The following KIF15 variants were observed in gnomAD, a reference collection of about 807,000 sequenced individuals.
KIF15 encodes the protein kinesin-like protein KIF15.
KIF15 carries 140 observed loss-of-function variants against 190.6 expected under a neutral mutation model. The ratio of observed to expected loss-of-function variants is 0.73; its 90% CI spans 0.64 to 0.84. The LOEUF (loss-of-function observed/expected upper bound fraction) is 0.84. Among genes scored for constraint, KIF15 ranks in the 40% least tolerant of loss-of-function variants. The probability of loss-of-function intolerance (pLI) is 0.00; values close to 1 mark genes in which losing one functional copy is unlikely to be tolerated. For synonymous variants in KIF15, 528 were observed against 551.3 expected (o/e 0.96, Z 0.59); for missense variants, 1,372 against 1,584.4 (o/e 0.87, Z 2.28).
rs779947549 is a variant in KIF15 at position 44,852,312 on chromosome 3, A to G, written c.4077A>G (p.Leu1359=). ...AGAAGATTCAGTACGTAGTGCGACT[A>G]AAGAAGGAAAATGTCAGGCTTGCTG... is the stretch of plus-strand genomic sequence containing the variant. ...LHQKIQYVVR[L]KKENVRLAEE... The change falls in exon 34 of 35, where the codon CTA becomes CTG. Residue 1359 remains leucine, a synonymous_variant. Transcript: ENST00000326047. 8 of 1,611,368 alleles carry G rather than the reference A, an allele frequency of 5.0e-6. No individual in the cohort carries two copies. In the South Asian group the frequency reaches 7.7e-5, roughly 16 times the overall value.
At chr3:44,850,735 C>A (rs1203364268) in intron 32 of KIF15, among the ~76,000 whole-genome samples, 1 of 152,208 alleles carries the variant, frequency 6.6e-6, no homozygotes, top group African/African-American at 2.4e-5. Context: ...CTGAGATCCA[C>A]AGAATGTAGT....
At chr3:44,808,643 A>C (rs1707634008) in intron 16 of KIF15, among the ~76,000 whole-genome samples, 1 of 146,242 alleles carries the variant, frequency 6.8e-6, no homozygotes, top group South Asian at 2.1e-4. Flanking sequence ...GTGTTATTCC[A>C]CAATATGCTT....
chr3:44,828,233 T>C lies in KIF15; in HGVS notation c.2876T>C (p.Leu959Pro), dbSNP rs777442523. The C allele has an allele frequency of 6.2e-7, 1 of 1,613,376 alleles. No homozygotes were observed. Among genetic ancestry groups the C allele is most frequent in the Non-Finnish European group, 8.5e-7 (1 of 1,179,480 alleles). ...CEQQMAKVQKLEESLLATEKV... is the reference protein window; with the variant it reads ...CEQQMAKVQKPEESLLATEKV... ...CCATAGATGGCAAAAGTACAGAAAC[T>C]AGAAGAGAGCTTGCTTGCTACTGAA... Residue 959 changes from leucine to proline, a missense_variant, in exon 24 of 35, where the codon CTA becomes CCA. By Grantham distance (98) the Leu-to-Pro change is moderately conservative. Coordinates refer to ENST00000326047, the MANE Select transcript of KIF15 (RefSeq NM_020242.3).
At chr3:44,861,853 G>A (rs1385896530) in intron 6 of KIF15, 3 of 1,441,930 alleles carry the variant, frequency 2.1e-6, no homozygotes, top group African/African-American at 1.5e-5. Flanking sequence ...CGTCACGTGA[G>A]GCTGCCATCC....
At chr3:44,824,233 A>G (rs181659294) in intron 20 of KIF15, among the ~76,000 whole-genome samples, 44 of 152,358 alleles carry the variant, frequency 2.9e-4, no homozygotes, top group Middle Eastern at 6.8e-3. Flanking sequence ...GTTTTATTAT[A>G]AAAATCTATA....
intron 6 of KIF15, among the ~76,000 whole-genome samples, chr3:44,867,314 G>C (rs1265057112): frequency 6.6e-6 from 1 of 152,142 alleles, no homozygotes; most frequent in African/African-American, 2.4e-5. Context: ...TTGGTCACCA[G>C]CCACCTACCT....
At chr3:44,805,451 C>T (rs1465126576) in intron 15 of KIF15, among the ~76,000 whole-genome samples, 1 of 152,122 alleles carries the variant, frequency 6.6e-6, no homozygotes, top group Non-Finnish European at 1.5e-5. Flanking sequence ...GTTGTTAAGA[C>T]TTTTAGGAAG....
chr3:44,776,021 A>G (rs956340007), intron 3 of KIF15, among the ~76,000 whole-genome samples: 5 of 151,538 alleles, frequency 3.3e-5, no homozygotes, highest in Non-Finnish European at 5.9e-5. Context: ...CGGAGCTTGC[A>G]GTGAGCGGAG....
Position 44,829,776 on chromosome 3 carries a change from TATATATATAATATATGC to T in KIF15, c.2944-187_2944-171del, listed in dbSNP as rs1465479469. On this transcript the variant is annotated intron_variant, in intron 24 of 34. Coordinates refer to ENST00000326047, the MANE Select transcript of KIF15 (RefSeq NM_020242.3). ...TATAGATGTATATATATTATAGATG[TATATATATAATATATGC>T]ATATATAATATATGTATATATATTA... Among the ~76,000 whole-genome samples the T allele has an allele frequency of 1.0e-3, 143 of 140,646 alleles. 1 individual carries two copies. Among genetic ancestry groups the T allele is most frequent in the African/African-American group, 2.5e-3 (94 of 38,134 alleles). The allele number at this position is 140,646 out of a possible 152,430, so 92.3% of individuals were successfully genotyped here.
At chr3:44,783,353 A>G (rs1317371498) in intron 5 of KIF15, among the ~76,000 whole-genome samples, 2 of 152,068 alleles carry the variant, frequency 1.3e-5, no homozygotes, top group African/African-American at 2.4e-5. Context: ...GTGAGAGAGG[A>G]AAGTGAGAGA....
chr3:44,785,416 C>G (rs1422708066), intron 6 of KIF15, among the ~76,000 whole-genome samples: 2 of 152,174 alleles, frequency 1.3e-5, no homozygotes, highest in East Asian at 3.9e-4. Context: ...CTTCCATGAT[C>G]TTTGTGCTCC....
intron 29 of KIF15, among the ~76,000 whole-genome samples, chr3:44,842,203 A>AT (rs1698642622): frequency 6.6e-6 from 1 of 152,010 alleles, no homozygotes; most frequent in African/African-American, 2.4e-5. Flanking sequence ...TATATTAGAG[A>AT]TTTTTTTAGT....
In KIF15 at chr3:44,821,579, A is replaced by C. The variant is rs564446333; in HGVS notation, c.2550-4460A>C. ...CCTAGATGGGATGGCGGCCGGGAAGAGGCGCTCCTCACTTCCTAGATGGGA... is the reference window on the plus strand; with the variant it reads ...CCTAGATGGGATGGCGGCCGGGAAGCGGCGCTCCTCACTTCCTAGATGGGA... On this transcript the variant is annotated intron_variant, in intron 20 of 34. Transcript: ENST00000326047. 3.0e-4 allele frequency among the ~76,000 whole-genome samples: 46 copies of C among 151,692 alleles called. No homozygotes were observed. The East Asian group carries it at 9.0e-3, about 30-fold the overall frequency.
rs141324712 is a variant in KIF15 at position 44,837,614 on chromosome 3, GTA to G, written c.3172-648_3172-647del. Among the ~76,000 whole-genome samples the G allele has an allele frequency of 2.7e-3, 398 of 149,608 alleles. 3 individuals carry two copies. The highest frequency in any genetic ancestry group is 8.6e-3 in the African/African-American group (354 of 40,934). On this transcript the variant is annotated intron_variant, in intron 26 of 34. Coordinates refer to ENST00000326047, the MANE Select transcript of KIF15 (RefSeq NM_020242.3). ...TATGTACACACATATATATGTGTGTGTATATATATATATACATGCACACACAT... is the reference window on the plus strand; with the variant it reads ...TATGTACACACATATATATGTGTGTGTATATATATATACATGCACACACAT...
chr3:44,821,532 C>G (rs879061528), intron 20 of KIF15, among the ~76,000 whole-genome samples: 1 of 151,596 alleles, frequency 6.6e-6, no homozygotes, highest in African/African-American at 2.4e-5. Flanking sequence ...GATGAGTGGC[C>G]GGGCAGAGAC....
intron 7 of KIF15, among the ~76,000 whole-genome samples, chr3:44,787,175 T>G (rs1706447136): frequency 6.6e-6 from 1 of 152,208 alleles, no homozygotes; most frequent in Non-Finnish European, 1.5e-5. Flanking sequence ...GTATCACCAG[T>G]ACTATCCGAT....
intron 32 of KIF15, 70 bp from the exon 33 acceptor site, chr3:44,851,717 G>A (rs111294318): frequency 2.2e-6 from 3 of 1,335,520 alleles, no homozygotes; most frequent in African/African-American, 2.9e-5. Flanking sequence ...CAGTACACAT[G>A]TCTAACTTGA....
downstream of KIF15, among the ~76,000 whole-genome samples, chr3:44,854,213 C>T (rs560031772): frequency 2.2e-4 from 33 of 151,980 alleles, no homozygotes; most frequent in African/African-American, 7.7e-4. Context: ...GGCAAAACCC[C>T]ATCTCTACTA....
At chr3:44,791,517 G>A (rs1029318339) in intron 7 of KIF15, among the ~76,000 whole-genome samples, 5 of 152,082 alleles carry the variant, frequency 3.3e-5, no homozygotes, top group Middle Eastern at 3.2e-3. Context: ...TTTTGAGTGG[G>A]GTTGTGTTGA....
Sources: gnomAD v4.1 joint callset for allele counts (sites outside exome capture counted in the v4.1 genomes callset) on GRCh38, gnomAD v4.1.1 for gene constraint, MANE v1.5 for transcripts, NCBI Gene and HGNC (gene_info 2026-07-23, HGNC 2026-07-21) for gene names.